The following QTGAL variants were observed in gnomAD, a reference collection of about 807,000 sequenced individuals.
QTGAL encodes the protein BGnT-like protein 1.
chr17:82,977,501 TTTTC>T, the QTGAL span, among the ~76,000 whole-genome samples: 145 of 123,484 alleles, frequency 1.2e-3, no homozygotes, highest in African/African-American at 4.9e-3. Context: ...AAAAAAAAAC[TTTTC>T]TTTGTTTAAA....
At chr17:83,033,006 C>T in the QTGAL span, among the ~76,000 whole-genome samples, 9 of 152,244 alleles carry the variant, frequency 5.9e-5, no homozygotes, top group East Asian at 1.9e-4. Flanking sequence ...TAAATCCCCG[C>T]GTAGGCAGGA....
the QTGAL span, among the ~76,000 whole-genome samples, chr17:83,009,924 G>T: frequency 8.9e-6 from 1 of 112,586 alleles, no homozygotes; most frequent in Non-Finnish European, 2.2e-5. Flanking sequence ...TGAACGACTT[G>T]CCGTCCACTG....
the QTGAL span, chr17:83,051,739 C>T: frequency 1.3e-6 from 2 of 1,496,386 alleles, no homozygotes; most frequent in Non-Finnish European, 1.8e-6. Context: ...GCACCTACCA[C>T]GTGGGCCTGC....
the QTGAL span, chr17:83,005,749 C>A: frequency 1.2e-6 from 1 of 830,032 alleles, no homozygotes; most frequent in Non-Finnish European, 1.9e-6. This position sits in a 1 kb window ranked among gnomAD's most constrained non-coding sequence, Gnocchi z 5.6. Context: ...CAGGCCAGCA[C>A]CCCTGCCTCA....
chr17:82,974,661 C>T, the QTGAL span, among the ~76,000 whole-genome samples: 1 of 151,996 alleles, frequency 6.6e-6, no homozygotes. Context: ...AGCACATTCA[C>T]CCCCCACAGC....
chr17:82,997,927 AAAAAT>A, the QTGAL span, among the ~76,000 whole-genome samples: 4 of 110,918 alleles, frequency 3.6e-5, no homozygotes, highest in Admixed American at 1.8e-4. Flanking sequence ...GTTTAAAAAA[AAAAAT>A]ATATATATAT....
At chr17:82,972,274 CCA>C in the QTGAL span, among the ~76,000 whole-genome samples, 8 of 132,658 alleles carry the variant, frequency 6.0e-5, no homozygotes, top group Admixed American at 4.6e-4. Context: ...CCACACCACA[CCA>C]CAGGGGCCAG....
the QTGAL span, among the ~76,000 whole-genome samples, chr17:82,984,856 C>T: frequency 6.6e-6 from 1 of 152,274 alleles, no homozygotes; most frequent in Non-Finnish European, 1.5e-5. Context: ...TGCGGCCCAC[C>T]CCGGGTAGCT....
At chr17:82,964,027 T>TGGA in the QTGAL span, among the ~76,000 whole-genome samples, 5 of 144,840 alleles carry the variant, frequency 3.5e-5, no homozygotes, top group South Asian at 2.1e-4. Context: ...AAGGCTGAGG[T>TGGA]CGGGGGGGTG....
chr17:82,964,245 G>C, the QTGAL span, among the ~76,000 whole-genome samples: 179 of 90,096 alleles, frequency 2.0e-3, 1 homozygote, highest in African/African-American at 7.7e-3. Flanking sequence ...AACAGAGTGA[G>C]ACCCTGTCTC....
the QTGAL span, among the ~76,000 whole-genome samples, chr17:83,032,993 G>A: frequency 2.2e-4 from 33 of 152,338 alleles, no homozygotes; most frequent in African/African-American, 7.9e-4. Flanking sequence ...GGCGGCTCCC[G>A]CGTAAATCCC....
chr17:82,999,942 T>G, the QTGAL span, among the ~76,000 whole-genome samples: 3 of 151,874 alleles, frequency 2.0e-5, no homozygotes, highest in African/African-American at 7.3e-5. Flanking sequence ...AGGTCACTGG[T>G]TTTTTTTGTT....
chr17:82,972,301 G>C, the QTGAL span, among the ~76,000 whole-genome samples: 1 of 139,304 alleles, frequency 7.2e-6, no homozygotes, highest in African/African-American at 2.9e-5. Flanking sequence ...ACCTGGTACT[G>C]ACCACACCAC....
At chr17:83,008,477 T>TGTGAGGGGAC in the QTGAL span, among the ~76,000 whole-genome samples, 2 of 151,258 alleles carry the variant, frequency 1.3e-5, no homozygotes, top group East Asian at 3.9e-4. Flanking sequence ...AGAAGGGAGG[T>TGTGAGGGGAC]GTGAGGGGAC....
chr17:82,988,174 A>C, the QTGAL span, among the ~76,000 whole-genome samples: 1 of 152,170 alleles, frequency 6.6e-6, no homozygotes. Flanking sequence ...CTTTTGGGCT[A>C]AGATGATGAA....
the QTGAL span, among the ~76,000 whole-genome samples, chr17:83,019,994 A>G: frequency 1.3e-5 from 2 of 152,190 alleles, no homozygotes; most frequent in South Asian, 4.1e-4. Flanking sequence ...TTGGCCTCCC[A>G]AAGTGCTGGG....
the QTGAL span, among the ~76,000 whole-genome samples, chr17:83,030,078 G>T: frequency 6.6e-6 from 1 of 152,192 alleles, no homozygotes; most frequent in African/African-American, 2.4e-5. Flanking sequence ...AACAAATGAG[G>T]AGAATGTGTC....
chr17:82,943,388 G>C, the QTGAL span: 1 of 152,280 alleles, frequency 6.6e-6, no homozygotes, highest in East Asian at 1.9e-4. Context: ...TTGAGGTGCA[G>C]AACCACGGCC....
chr17:83,031,423 G>A, the QTGAL span, among the ~76,000 whole-genome samples: 3 of 151,844 alleles, frequency 2.0e-5, no homozygotes, highest in Admixed American at 6.5e-5. Flanking sequence ...CGGGTCCCTC[G>A]CAGGACCAGA....
Sources: allele counts gnomAD v4.1 joint callset (sites outside exome capture counted in the v4.1 genomes callset), GRCh38; gene constraint gnomAD v4.1.1; non-coding constraint Gnocchi (gnomAD v3.1); transcripts MANE v1.5; gene names NCBI Gene and HGNC (gene_info 2026-07-23, HGNC 2026-07-21).